PAX5: variants seen among roughly 807,000 people sequenced by gnomAD.
PAX5 encodes paired box protein Pax-5.
PAX5 carries 9 observed loss-of-function variants against 43.7 expected under a neutral mutation model. The observed-to-expected ratio is 0.21, with a 90% CI of 0.12 to 0.36. PAX5 has a LOEUF of 0.36. Among genes scored for constraint, PAX5 ranks in the 10% least tolerant of loss-of-function variants. The probability of loss-of-function intolerance (pLI) is 1.00; values close to 1 mark genes in which losing one functional copy is unlikely to be tolerated. For synonymous variants in PAX5, 228 were observed against 214.3 expected (o/e 1.06, Z -0.56); for missense variants, 383 against 532.7 (o/e 0.72, Z 2.77).
At chr9:36,922,572 G>A (rs1830261760) in intron 7 of PAX5, 1 of 152,350 alleles carries the variant, frequency 6.6e-6, no homozygotes, top group Admixed American at 6.5e-5. Flanking sequence ...AAGCCCCTTG[G>A]TGACCTGCCA....
chr9:36,923,347 GC>G lies in PAX5; in HGVS notation c.910+7del. On this transcript the variant is annotated splice_region_variant and intron_variant, in intron 7 of 9. Coordinates refer to ENST00000358127, the MANE Select transcript of PAX5 (RefSeq NM_016734.3). ...CTCACTCATCCCCCATGCCCCAGGT[GC>G]CCTCACCTGTCACAATGGGGTAGGA... 1 of 1,608,782 alleles carries G rather than the reference GC, an allele frequency of 6.2e-7. No homozygotes were observed. The highest frequency in any genetic ancestry group is 8.5e-7 in the Non-Finnish European group (1 of 1,177,586).
intron 7 of PAX5, among the ~76,000 whole-genome samples, chr9:36,894,004 A>T (rs1587894742): frequency 6.6e-6 from 1 of 152,196 alleles, no homozygotes. Flanking sequence ...GGCTCCCTGG[A>T]GAGCCCTTGT....
chr9:36,972,833 G>A lies in PAX5; in HGVS notation c.605-6109C>T, dbSNP rs540918065. ...ACTTGAGGTCAGGAGTTCGAGACCAGCCTGGCCAACATGGTGAAACCCCGT... is the reference window on the plus strand; with the variant it reads ...ACTTGAGGTCAGGAGTTCGAGACCAACCTGGCCAACATGGTGAAACCCCGT... On this transcript the variant is annotated intron_variant, in intron 5 of 9. Coordinates refer to ENST00000358127, the MANE Select transcript of PAX5 (RefSeq NM_016734.3). Among the ~76,000 whole-genome samples the A allele has an allele frequency of 2.6e-5, 4 of 152,218 alleles. No individual in the cohort carries two copies. The South Asian group carries it at 8.3e-4, about 32-fold the overall frequency.
At position 36,834,417 on chromosome 9, in the gene PAX5, A is replaced by AGTGTGTGTGTGTGTGT. The variant is rs56175234; in HGVS notation, c.*6127_*6142dup. On this transcript the variant is annotated 3_prime_UTR_variant, in exon 10 of 10. Transcript: ENST00000358127. Reference sequence around the variant, plus strand: ...TGTCTGAGGTGTAGGGGAGTGAGTGAGTGTGTGTGTGTGTGTGTGTGTGTG... The same window carrying AGTGTGTGTGTGTGTGT: ...TGTCTGAGGTGTAGGGGAGTGAGTGAGTGTGTGTGTGTGTGTGTGTGTGTGTGTGTGTGTGTGTGTG... 1 of 220,274 alleles carries AGTGTGTGTGTGTGTGT rather than the reference A, an allele frequency of 4.5e-6. No individual in the cohort carries two copies. The highest frequency in any genetic ancestry group is 2.3e-5 in the African/African-American group (1 of 43,056). 13.6% of individuals were successfully genotyped at this position (220,274 alleles called of 1,614,324 possible). A position where few individuals can be genotyped will look rare whatever the true frequency, so the allele number is the denominator to read the frequency against.
rs1839904993 is a variant in PAX5 at position 37,022,107 on chromosome 9, A to G, written c.47-1306T>C. ...ATAATGTATTTCCTAAAAACTGTCCAAGCAATCCACTCAAGTTTCCCATGA... is the reference window on the plus strand; with the variant it reads ...ATAATGTATTTCCTAAAAACTGTCCGAGCAATCCACTCAAGTTTCCCATGA... On this transcript the variant is annotated intron_variant, in intron 1 of 9. Coordinates refer to ENST00000358127, the MANE Select transcript of PAX5 (RefSeq NM_016734.3). Among the ~76,000 whole-genome samples, 3 of 152,294 alleles carry G rather than the reference A, an allele frequency of 2.0e-5. No homozygotes were observed. The South Asian group carries it at 6.2e-4, about 32-fold the overall frequency.
rs768417029 is a variant in PAX5, at chr9:36,966,554, C to T, written c.775G>A (p.Glu259Lys). ...IFTTTEPIKPEQTTEYSAMAS... is the reference protein window; with the variant it reads ...IFTTTEPIKPKQTTEYSAMAS... ...GCGTGCATCACGAGGCGTACCTGCT[C>T]GGGCTTGATGGGCTCTGTGGTGGTG... The change falls in exon 6 of 10, where the codon GAG becomes AAG. Residue 259 changes from glutamate (E) to lysine (K), a missense_variant. Transcript: ENST00000358127. 1.2e-6 allele frequency: 2 copies of T among 1,613,212 alleles called. No individual in the cohort carries two copies. The highest frequency in any genetic ancestry group is 1.3e-5 in the African/African-American group (1 of 74,922).
chr9:37,004,594 G>A (rs747488187), intron 4 of PAX5, among the ~76,000 whole-genome samples: 8 of 152,204 alleles, frequency 5.3e-5, no homozygotes, highest in Admixed American at 1.3e-4. Context: ...TTCCTTAAGA[G>A]ACACAGAGGC....
chr9:36,934,080 A>G (rs1187901431), intron 6 of PAX5, among the ~76,000 whole-genome samples: 1 of 152,234 alleles, frequency 6.6e-6, no homozygotes, highest in Non-Finnish European at 1.5e-5. Context: ...GAGGCCTGAC[A>G]GCAACCAGGG....
intron 8 of PAX5, among the ~76,000 whole-genome samples, chr9:36,859,145 C>A (rs1823948737): frequency 6.6e-6 from 1 of 152,150 alleles, no homozygotes; most frequent in African/African-American, 2.4e-5. Flanking sequence ...GCGCTCAATT[C>A]TGCACACCCT....
chr9:36,874,696 TTG>T (rs1274199238), intron 8 of PAX5, among the ~76,000 whole-genome samples: 2 of 152,298 alleles, frequency 1.3e-5, no homozygotes, highest in East Asian at 3.9e-4. Flanking sequence ...TGACTCCTAC[TTG>T]GCAGTGCTCT....
intron 5 of PAX5, among the ~76,000 whole-genome samples, chr9:36,974,113 A>G (rs1382000204): frequency 6.6e-6 from 1 of 152,116 alleles, no homozygotes; most frequent in African/African-American, 2.4e-5. Flanking sequence ...CCAGGAGTTC[A>G]AGGCTTCAGT....
intron 8 of PAX5, among the ~76,000 whole-genome samples, chr9:36,849,919 G>A (rs1822986060): frequency 6.6e-6 from 1 of 152,206 alleles, no homozygotes; most frequent in African/African-American, 2.4e-5. Context: ...TATCTGAAGT[G>A]CCACACAAGA....
At chr9:36,987,957 A>G (rs1836582827) in intron 5 of PAX5, among the ~76,000 whole-genome samples, 1 of 152,268 alleles carries the variant, frequency 6.6e-6, no homozygotes, top group Non-Finnish European at 1.5e-5. Context: ...TTCACGGAAC[A>G]AAAGTACTAT....
intron 9 of PAX5, among the ~76,000 whole-genome samples, chr9:36,840,941 G>T (rs1821997529): frequency 6.6e-6 from 1 of 152,186 alleles, no homozygotes; most frequent in Non-Finnish European, 1.5e-5. Context: ...ATGAATGCAG[G>T]CATTGCCCAT....
chr9:36,866,009 T>C (rs919052849), intron 8 of PAX5, among the ~76,000 whole-genome samples: 4 of 152,218 alleles, frequency 2.6e-5, no homozygotes, highest in African/African-American at 7.2e-5. Context: ...CTGGCAGTCC[T>C]CCTGTTTTAT....
intron 7 of PAX5, among the ~76,000 whole-genome samples, chr9:36,896,481 A>C (rs1172997347): frequency 1.3e-5 from 2 of 152,040 alleles, no homozygotes; most frequent in Non-Finnish European, 2.9e-5. Flanking sequence ...GGCACCTCCC[A>C]GGGTGCACAG....
intron 7 of PAX5, among the ~76,000 whole-genome samples, chr9:36,908,990 T>A (rs1383131570): frequency 2.0e-5 from 3 of 152,182 alleles, no homozygotes; most frequent in African/African-American, 7.2e-5. Flanking sequence ...TGAAAGCAAA[T>A]CATATTTTTC....
At chr9:36,843,124 G>A (rs887387432) in intron 9 of PAX5, among the ~76,000 whole-genome samples, 14 of 151,806 alleles carry the variant, frequency 9.2e-5, no homozygotes, top group African/African-American at 2.9e-4. Context: ...GAGTGTGAGC[G>A]TGCGTCTGTG....
intron 7 of PAX5, among the ~76,000 whole-genome samples, chr9:36,907,646 T>C (rs1293206395): frequency 6.6e-6 from 1 of 152,178 alleles, no homozygotes; most frequent in Admixed American, 6.5e-5. Flanking sequence ...GGGTGGAAGC[T>C]CTTTACTTAC....
Sources: gnomAD v4.1 joint callset for allele counts (sites outside exome capture counted in the v4.1 genomes callset) on GRCh38, gnomAD v4.1.1 for gene constraint, MANE v1.5 for transcripts, NCBI Gene and HGNC (gene_info 2026-07-23, HGNC 2026-07-21) for gene names.